C2orf92: variants seen among roughly 807,000 people sequenced by gnomAD.
C2orf92 encodes the protein uncharacterized protein C2orf92.
intron 5 of C2orf92, among the ~76,000 whole-genome samples, chr2:97,691,568 AAG>A (rs1367592862): frequency 6.6e-6 from 1 of 152,220 alleles, no homozygotes; most frequent in Non-Finnish European, 1.5e-5. Flanking sequence ...AAAGATTTAA[AAG>A]AAAAAAACCA....
intron 5 of C2orf92, among the ~76,000 whole-genome samples, chr2:97,692,274 G>A (rs1197967747): frequency 6.6e-6 from 1 of 152,132 alleles, no homozygotes; most frequent in African/African-American, 2.4e-5. Context: ...TTGTAAGAGA[G>A]GGGGTTTCTC....
At chr2:97,677,689 T>G (rs1044550598) in intron 3 of C2orf92, 2 of 152,176 alleles carry the variant, frequency 1.3e-5, no homozygotes, top group African/African-American at 4.8e-5. Context: ...GATGGCTCAT[T>G]CACAGGAAAA....
intron 1 of C2orf92, chr2:97,674,227 G>T (rs1675504146): frequency 5.8e-6 from 2 of 345,782 alleles, no homozygotes; most frequent in South Asian, 3.1e-4. Context: ...GAGATTTGGG[G>T]TCATATATCT....
At chr2:97,669,882 C>A (rs1344178255) in intron 1 of C2orf92, 48 bp downstream of exon 1, 2 of 398,496 alleles carry the variant, frequency 5.0e-6, no homozygotes, top group African/African-American at 4.1e-5. Context: ...CACTTCAAGC[C>A]TAAGTGGGGC....
At chr2:97,701,070 C>G (rs1182478737) in intron 6 of C2orf92, 84 bp from the exon 7 acceptor site, 4 of 395,962 alleles carry the variant, frequency 1.0e-5, no homozygotes, top group Non-Finnish European at 1.8e-5. Context: ...ATGGAATGAA[C>G]AGGTGTCCCT....
chr2:97,700,294 T>C (rs1676448529), intron 6 of C2orf92, among the ~76,000 whole-genome samples: 1 of 152,130 alleles, frequency 6.6e-6, no homozygotes, highest in Non-Finnish European at 1.5e-5. Flanking sequence ...GGTGCAGACA[T>C]GAAATCTCCC....
chr2:97,697,151 C>T (rs1434932852), intron 5 of C2orf92: 6 of 152,084 alleles, frequency 3.9e-5, no homozygotes, highest in African/African-American at 1.4e-4. Flanking sequence ...GGTGGCTGCT[C>T]CTGTCATAGT....
chr2:97,671,673 T>C (rs1675415982), intron 1 of C2orf92: 2 of 389,156 alleles, frequency 5.1e-6, no homozygotes, highest in South Asian at 1.4e-4. Flanking sequence ...GCAAAACAGA[T>C]GATAAACACC....
At chr2:97,681,160 A>T (rs1675759948) in intron 3 of C2orf92, among the ~76,000 whole-genome samples, 1 of 3,654 alleles carries the variant, frequency 2.7e-4, no homozygotes, top group East Asian at 0.5. Flanking sequence ...CAGTAAGTAA[A>T]GGAATAGACT....
chr2:97,675,950 A>T, intron 3 of C2orf92, 22 bp downstream of exon 3: 1 of 398,504 alleles, frequency 2.5e-6, no homozygotes, highest in South Asian at 1.3e-4. Flanking sequence ...CCTGCTATGA[A>T]GCCTTTAGCC....
intron 7 of C2orf92, among the ~76,000 whole-genome samples, 184 bp from the exon 8 acceptor site, chr2:97,702,485 A>C (rs1313076354): frequency 2.6e-5 from 4 of 152,180 alleles, no homozygotes; most frequent in Non-Finnish European, 5.9e-5. Context: ...ACTGGGGGGA[A>C]GAGAGTATCC....
intron 3 of C2orf92, among the ~76,000 whole-genome samples, chr2:97,686,587 T>A (rs1675971013): frequency 6.6e-6 from 1 of 152,122 alleles, no homozygotes; most frequent in South Asian, 2.1e-4. Flanking sequence ...GCCCCGCTAA[T>A]TTTTTGTATC....
At chr2:97,664,038 G>T, upstream of C2orf92, 1 of 351,462 alleles carries the variant, frequency 2.8e-6, no homozygotes, top group South Asian at 1.3e-4. Flanking sequence ...GCCCCGCGGG[G>T]CTTTCTGGAG....
intron 5 of C2orf92, 44 bp downstream of exon 5, chr2:97,690,371 ATTGTTCTTTTTCCTCTTTTTT>A (rs919698446): frequency 1.0e-5 from 4 of 395,200 alleles, no homozygotes; most frequent in African/African-American, 8.3e-5. Context: ...TTGGTAAGTC[ATTGTTCTTTTTCCTCTTTTTT>A]TTTTTTGAGA....
intron 4 of C2orf92, 83 bp from the exon 5 acceptor site, chr2:97,690,173 A>G (rs997891663): frequency 2.5e-6 from 1 of 392,682 alleles, no homozygotes; most frequent in African/African-American, 2.1e-5. Context: ...ATGGAATACA[A>G]AATATGGGCC....
At chr2:97,682,348 AT>A (rs1675803556) in intron 3 of C2orf92, among the ~76,000 whole-genome samples, 1 of 152,206 alleles carries the variant, frequency 6.6e-6, no homozygotes, top group Non-Finnish European at 1.5e-5. Flanking sequence ...AAAGTCTAGA[AT>A]TAGATGTGTT....
intron 7 of C2orf92, among the ~76,000 whole-genome samples, chr2:97,702,436 C>A (rs1006005859): frequency 4.6e-5 from 7 of 152,110 alleles, no homozygotes; most frequent in Admixed American, 2.0e-4. Context: ...CCCATAGGGA[C>A]CAGTCAAAGT....
intron 6 of C2orf92, among the ~76,000 whole-genome samples, chr2:97,699,559 TGCACCATTG>T (rs1676427716): frequency 6.6e-6 from 1 of 152,104 alleles, no homozygotes; most frequent in South Asian, 2.1e-4. Flanking sequence ...GAGCTGAGAT[TGCACCATTG>T]CACTCCAGCC....
intron 3 of C2orf92, among the ~76,000 whole-genome samples, chr2:97,680,588 GGATAGTTGGA>G (rs1675735704): frequency 6.6e-6 from 1 of 152,120 alleles, no homozygotes; most frequent in African/African-American, 2.4e-5. Flanking sequence ...TGAGAGACAA[GGATAGTTGGA>G]GACTTCAGTA....
Sources: gnomAD v4.1 joint callset for allele counts (sites outside exome capture counted in the v4.1 genomes callset) on GRCh38, gnomAD v4.1.1 for gene constraint, MANE v1.5 for transcripts, NCBI Gene and HGNC (gene_info 2026-07-23, HGNC 2026-07-21) for gene names.